Variants in ROR1 observed in about 807,000 individuals in gnomAD.
The protein encoded by ROR1 is ROR family WNT receptor 1.
In ROR1, 19 loss-of-function variants were observed where a neutral mutation model predicts 78.8. That is an observed-to-expected ratio of 0.24 (90% confidence interval 0.17 to 0.35). The LOEUF (loss-of-function observed/expected upper bound fraction) is 0.35, where lower values mean the gene tolerates loss of function less well. Ranked by LOEUF, ROR1 falls within the 10% of genes least tolerant of loss-of-function variation. The pLI is 1.00. For synonymous variants in ROR1, 386 were observed against 433.6 expected (o/e 0.89, Z 1.36); for missense variants, 917 against 1,177.8 (o/e 0.78, Z 3.24).
chr1:64,142,330 A>G, intron 6 of ROR1, 75 bp from the exon 7 acceptor site: 1 of 1,574,520 alleles, frequency 6.4e-7, no homozygotes, highest in Non-Finnish European at 8.6e-7. Flanking sequence ...CCCCTCCAGA[A>G]ACTGCTGGCT....
chr1:64,098,029 A>G (rs750515101), intron 4 of ROR1, among the ~76,000 whole-genome samples: 1 of 133,096 alleles, frequency 7.5e-6, no homozygotes, highest in Non-Finnish European at 1.8e-5. Flanking sequence ...ACACTCCCCT[A>G]TATTTAACCC....
intron 4 of ROR1, among the ~76,000 whole-genome samples, chr1:64,055,034 C>T (rs1309214780): frequency 1.3e-5 from 2 of 152,134 alleles, no homozygotes; most frequent in Non-Finnish European, 2.9e-5. Context: ...TTGGGATCCA[C>T]CGTGACGACC....
At position 64,007,518 on chromosome 1, in the gene ROR1, T is replaced by C. The variant is rs1570049081; in HGVS notation, c.92-1787T>C. On this transcript the variant is annotated intron_variant, in intron 1 of 8. Transcript: ENST00000371079. ...AACCAAGATTATTTGTATATTACAG[T>C]CTATTATTAAAGAGTTTTAACAGCC... 2.6e-5 allele frequency among the ~76,000 whole-genome samples: 4 copies of C among 152,216 alleles called. No homozygotes were observed. The South Asian group carries it at 8.3e-4, about 32-fold the overall frequency.
chr1:64,086,160 G>C (rs938312680), intron 4 of ROR1, among the ~76,000 whole-genome samples: 4 of 152,298 alleles, frequency 2.6e-5, no homozygotes, highest in Non-Finnish European at 4.4e-5. Context: ...CTGTGGATCA[G>C]TTCCTTTCAC....
chr1:64,102,260 T>A (rs2100658754), intron 4 of ROR1, among the ~76,000 whole-genome samples: 1 of 152,270 alleles, frequency 6.6e-6, no homozygotes, highest in Admixed American at 6.5e-5. Flanking sequence ...TCAGATCTGT[T>A]TGTGCGGTTT....
intron 4 of ROR1, among the ~76,000 whole-genome samples, chr1:64,055,006 G>A (rs1336594784): frequency 6.6e-6 from 1 of 152,002 alleles, no homozygotes; most frequent in East Asian, 1.9e-4. Context: ...TTTTCATAAG[G>A]ACACCAGTCA....
chr1:63,925,818 A>C (rs1385163554), intron 1 of ROR1, among the ~76,000 whole-genome samples: 2 of 151,448 alleles, frequency 1.3e-5, no homozygotes, highest in African/African-American at 2.4e-5. Flanking sequence ...TCTTCTTTTG[A>C]GAAGTGTCTG....
intron 2 of ROR1, among the ~76,000 whole-genome samples, chr1:64,016,209 T>C (rs1190934923): frequency 3.3e-5 from 5 of 152,192 alleles, no homozygotes; most frequent in Non-Finnish European, 1.5e-5. Flanking sequence ...ATTACCCATT[T>C]TGAGACTCCA....
In ROR1 at chr1:64,179,079, CCATTGGA is replaced by C. The variant is rs1278362936; in HGVS notation, c.*225_*231del. Reference sequence around the variant, plus strand: ...ACAAAAACATTGTGGGATGTGCACTCCATTGGAGTGCATGACATGGCATTGGGATTGG... The same window carrying C: ...ACAAAAACATTGTGGGATGTGCACTCGTGCATGACATGGCATTGGGATTGG... On this transcript the variant is annotated 3_prime_UTR_variant, in exon 9 of 9. Transcript: ENST00000371079. 56 of 463,870 alleles carry C rather than the reference CCATTGGA, an allele frequency of 1.2e-4. No homozygotes were observed. Among genetic ancestry groups the C allele is most frequent in the Non-Finnish European group, 1.9e-4 (50 of 264,672 alleles). 28.7% of individuals were successfully genotyped at this position (463,870 alleles called of 1,614,324 possible).
chr1:63,963,952 C>G (rs896756596), intron 1 of ROR1, among the ~76,000 whole-genome samples: 1 of 152,156 alleles, frequency 6.6e-6, no homozygotes, highest in African/African-American at 2.4e-5. Context: ...CTGTATCAGT[C>G]TTATATTTTT....
At chr1:63,968,010 T>C (rs1569990053) in intron 1 of ROR1, among the ~76,000 whole-genome samples, 1 of 152,320 alleles carries the variant, frequency 6.6e-6, no homozygotes, top group East Asian at 1.9e-4. Context: ...TTTGTTTCCT[T>C]TAAGGCCTAT....
chr1:63,919,097 T>C (rs544548106), intron 1 of ROR1, among the ~76,000 whole-genome samples: 283 of 152,336 alleles, frequency 1.9e-3, no homozygotes, highest in African/African-American at 6.4e-3. Context: ...GAAACATCTT[T>C]GAAATGATGG....
intron 1 of ROR1, among the ~76,000 whole-genome samples, chr1:63,838,207 T>G (rs1396039452): frequency 6.6e-6 from 1 of 152,192 alleles, no homozygotes; most frequent in Non-Finnish European, 1.5e-5. Context: ...TCTACGTATT[T>G]ACTATACTTT....
At chr1:64,042,482 G>A (rs954336732) in intron 2 of ROR1, among the ~76,000 whole-genome samples, 1 of 152,200 alleles carries the variant, frequency 6.6e-6, no homozygotes, top group Non-Finnish European at 1.5e-5. Context: ...CTTGGTTGGT[G>A]TGACGCAGTC....
rs574590164 is a variant in ROR1, at chr1:63,856,886, C to T, written c.91+82378C>T. ...GACTCCATGTGACTGTGTTAGGAGC[C>T]CTTTCTCTGGTCTCTCATCATACCT... On this transcript the variant is annotated intron_variant, in intron 1 of 8. Coordinates refer to ENST00000371079, the MANE Select transcript of ROR1 (RefSeq NM_005012.4). Among the ~76,000 whole-genome samples the T allele has an allele frequency of 7.2e-5, 11 of 152,210 alleles. 1 individual carries two copies. The South Asian group carries it at 1.9e-3, about 26-fold the overall frequency.
At chr1:63,943,043 T>C (rs1013179560) in intron 1 of ROR1, among the ~76,000 whole-genome samples, 2 of 147,970 alleles carry the variant, frequency 1.4e-5, no homozygotes, top group Non-Finnish European at 3.0e-5. Flanking sequence ...CAAGCTGTGA[T>C]TACACCACCG....
chr1:64,173,419 G>A (rs1410643677), intron 8 of ROR1, among the ~76,000 whole-genome samples: 1 of 152,128 alleles, frequency 6.6e-6, no homozygotes, highest in Non-Finnish European at 1.5e-5. Flanking sequence ...TAATTCCATA[G>A]AGTGACCACA....
chr1:64,089,251 T>C (rs1279118678), intron 4 of ROR1, among the ~76,000 whole-genome samples: 1 of 151,944 alleles, frequency 6.6e-6, no homozygotes, highest in East Asian at 1.9e-4. Context: ...ACTCTGTGTC[T>C]CAGGCTGGAG....
At chr1:64,068,051 A>T (rs1646973259) in intron 4 of ROR1, among the ~76,000 whole-genome samples, 1 of 152,168 alleles carries the variant, frequency 6.6e-6, no homozygotes, top group African/African-American at 2.4e-5. Flanking sequence ...TTGAAAAGCA[A>T]CACTGAATTT....
Sources: gnomAD v4.1 joint callset for allele counts (sites outside exome capture counted in the v4.1 genomes callset) on GRCh38, gnomAD v4.1.1 for gene constraint, MANE v1.5 for transcripts, NCBI Gene and HGNC (gene_info 2026-07-23, HGNC 2026-07-21) for gene names.